PDE4B: variants seen among roughly 807,000 people sequenced by gnomAD.
The protein encoded by PDE4B is 3',5'-cyclic-AMP phosphodiesterase 4B.
In PDE4B, 20 loss-of-function variants were observed where a neutral mutation model predicts 82.2. The ratio of observed to expected loss-of-function variants is 0.24; its 90% CI spans 0.17 to 0.35. The LOEUF (loss-of-function observed/expected upper bound fraction) is 0.35, where lower values mean the gene tolerates loss of function less well. Ranked by LOEUF, PDE4B falls within the 10% of genes least tolerant of loss-of-function variation. The probability of loss-of-function intolerance (pLI) is 1.00; values close to 1 mark genes in which losing one functional copy is unlikely to be tolerated. For missense variants in PDE4B, 655 were observed against 907.2 expected, an observed-to-expected ratio of 0.72 and a Z score of 3.57; for synonymous variants, 320 against 318.9, an observed-to-expected ratio of 1.00 and a Z score of -0.04.
chr1:65,967,808 G>C (rs1377274658), intron 3 of PDE4B, among the ~76,000 whole-genome samples: 1 of 152,086 alleles, frequency 6.6e-6, no homozygotes, highest in Non-Finnish European at 1.5e-5. Context: ...TCATAAGTGG[G>C]AGTTGAACGA....
At chr1:65,918,230 C>A (rs1647184597) in intron 2 of PDE4B, among the ~76,000 whole-genome samples, 1 of 152,108 alleles carries the variant, frequency 6.6e-6, no homozygotes, top group Non-Finnish European at 1.5e-5. Context: ...CCCATAGTTG[C>A]AGAACGATAA....
intron 3 of PDE4B, among the ~76,000 whole-genome samples, chr1:66,088,758 A>C (rs552396979): frequency 8.7e-4 from 133 of 152,192 alleles, no homozygotes; most frequent in Non-Finnish European, 7.8e-4. Context: ...CAATGCCATT[A>C]TATCCCTCCT....
chr1:66,030,399 C>T (rs1445402430), intron 3 of PDE4B, among the ~76,000 whole-genome samples: 1 of 152,156 alleles, frequency 6.6e-6, no homozygotes, highest in Non-Finnish European at 1.5e-5. Context: ...TCCTCCTTGA[C>T]TTTTTGAAAG....
intron 1 of PDE4B, among the ~76,000 whole-genome samples, chr1:65,881,922 A>C (rs116744091): frequency 1.3e-5 from 2 of 152,190 alleles, no homozygotes; most frequent in Non-Finnish European, 2.9e-5. Context: ...ATTATATATC[A>C]TTATGCTATT....
chr1:66,347,133 C>T (rs557840199), intron 8 of PDE4B, among the ~76,000 whole-genome samples: 1 of 152,278 alleles, frequency 6.6e-6, no homozygotes, highest in East Asian at 1.9e-4. Flanking sequence ...ACCAGCACTC[C>T]CTCTACTTCA....
At chr1:65,914,695 C>A (rs1209319266) in intron 2 of PDE4B, among the ~76,000 whole-genome samples, 3 of 151,456 alleles carry the variant, frequency 2.0e-5, no homozygotes, top group African/African-American at 7.3e-5. Context: ...TAAAACTGAG[C>A]AATGCCTTCC....
chr1:66,082,656 A>G (rs1278156739), intron 3 of PDE4B, among the ~76,000 whole-genome samples: 1 of 151,414 alleles, frequency 6.6e-6, no homozygotes, highest in Non-Finnish European at 1.5e-5. Context: ...ATATATATAT[A>G]TATACAGTGC....
intron 1 of PDE4B, among the ~76,000 whole-genome samples, chr1:65,894,316 A>G (rs954350867): frequency 3.3e-5 from 5 of 152,316 alleles, no homozygotes; most frequent in South Asian, 2.1e-4. Context: ...AGTATTTTCA[A>G]CAATTAATGT....
intron 3 of PDE4B, chr1:65,992,471 G>A (rs1423899590): frequency 1.3e-5 from 2 of 154,634 alleles, no homozygotes; most frequent in East Asian, 1.9e-4. Context: ...CAAAACAAGT[G>A]ACTAGGTTTT....
At chr1:65,999,126 A>G (rs1273067108) in intron 3 of PDE4B, among the ~76,000 whole-genome samples, 1 of 152,220 alleles carries the variant, frequency 6.6e-6, no homozygotes, top group Non-Finnish European at 1.5e-5. Flanking sequence ...TGGCCCAGCA[A>G]GCTTGCCAGC....
At chr1:65,894,591 G>A (rs1011868533) in intron 1 of PDE4B, among the ~76,000 whole-genome samples, 3 of 152,098 alleles carry the variant, frequency 2.0e-5, no homozygotes, top group Non-Finnish European at 4.4e-5. Flanking sequence ...ACATGTCTCA[G>A]CCTTGAAGGA....
chr1:65,829,474 C>T (rs1448721496), intron 1 of PDE4B, among the ~76,000 whole-genome samples: 2 of 152,072 alleles, frequency 1.3e-5, no homozygotes, highest in African/African-American at 2.4e-5. Flanking sequence ...ATAGAGCACT[C>T]CAATCAACAA....
At chr1:66,009,097 C>T (rs1433463240) in intron 3 of PDE4B, among the ~76,000 whole-genome samples, 1 of 152,198 alleles carries the variant, frequency 6.6e-6, no homozygotes, top group Non-Finnish European at 1.5e-5. Flanking sequence ...CTCCCCCCTA[C>T]ACCATGCCCT....
intron 1 of PDE4B, among the ~76,000 whole-genome samples, chr1:65,855,772 T>C (rs1646385536): frequency 1.3e-5 from 2 of 152,152 alleles, no homozygotes; most frequent in Non-Finnish European, 1.5e-5. Flanking sequence ...ATCTGATCTT[T>C]GCGTCCTTGA....
intron 1 of PDE4B, among the ~76,000 whole-genome samples, chr1:65,820,985 T>C (rs1333629538): frequency 1.3e-5 from 2 of 152,204 alleles, no homozygotes; most frequent in African/African-American, 4.8e-5. Flanking sequence ...CAGGAAATTA[T>C]TTTTCCTTAG....
intron 3 of PDE4B, among the ~76,000 whole-genome samples, chr1:65,966,233 A>G (rs1434241409): frequency 1.3e-5 from 2 of 152,200 alleles, no homozygotes; most frequent in African/African-American, 4.8e-5. Flanking sequence ...CAAAAATCAC[A>G]AGCATTCCTA....
rs955385020 is a variant in PDE4B, at chr1:66,340,767, G to A, written c.747+8147G>A. Among the ~76,000 whole-genome samples, 4 of 152,208 alleles carry A rather than the reference G, an allele frequency of 2.6e-5. No individual in the cohort carries two copies. The South Asian group carries it at 6.2e-4, about 24-fold the overall frequency. On this transcript the variant is annotated intron_variant, in intron 8 of 16. Coordinates refer to ENST00000341517, the MANE Select transcript of PDE4B (RefSeq NM_002600.4). ...GCCAATTTTTAAATTTTAGATTTAG[G>A]ACAAGAGGTGTTGGCATTTGATATC...
intron 3 of PDE4B, among the ~76,000 whole-genome samples, chr1:66,024,878 A>C (rs1275364640): frequency 6.6e-6 from 1 of 152,036 alleles, no homozygotes; most frequent in Non-Finnish European, 1.5e-5. Flanking sequence ...AGTGTAAAAA[A>C]GAGGCAAATA....
intron 3 of PDE4B, among the ~76,000 whole-genome samples, chr1:66,045,783 T>C (rs1365475832): frequency 6.6e-6 from 1 of 151,492 alleles, no homozygotes; most frequent in Non-Finnish European, 1.5e-5. Context: ...TGATTAAGAG[T>C]CTGACTAAGA....
Sources: allele counts gnomAD v4.1 joint callset (sites outside exome capture counted in the v4.1 genomes callset), GRCh38; gene constraint gnomAD v4.1.1; transcripts MANE v1.5; gene names NCBI Gene and HGNC (gene_info 2026-07-23, HGNC 2026-07-21).